The following MINPP1 variants were observed in gnomAD, a reference collection of about 807,000 sequenced individuals.
MINPP1 encodes multiple inositol polyphosphate phosphatase 1.
MINPP1 carries 28 observed loss-of-function variants against 46.1 expected under a neutral mutation model. That is an observed-to-expected ratio of 0.61 (90% CI 0.45 to 0.83). The LOEUF is 0.83. MINPP1 is among the 40% of genes least tolerant of loss of function. The pLI is 0.00. For missense variants in MINPP1, 603 were observed against 610.0 expected (o/e 0.99, Z 0.12); for synonymous variants, 268 against 249.1 (o/e 1.08, Z -0.72).
At chr10:87,508,663 T>C (rs1177096147) in intron 2 of MINPP1, 130 bp downstream of exon 2, 4 of 916,004 alleles carry the variant, frequency 4.4e-6, no homozygotes, top group Non-Finnish European at 6.7e-6. Context: ...TAATATGTTC[T>C]GGGTCAAAAA....
chr10:87,547,174 T>C (rs7095015), intron 4 of MINPP1, among the ~76,000 whole-genome samples: 129,793 of 152,098 alleles, frequency 0.85, 55,738 homozygotes, highest in African/African-American at 0.95. Flanking sequence ...TGCAGTGACG[T>C]GATCTTGGCT....
chr10:87,527,343 T>C (rs1851592670), intron 4 of MINPP1, among the ~76,000 whole-genome samples: 1 of 152,208 alleles, frequency 6.6e-6, no homozygotes, highest in Admixed American at 6.5e-5. Context: ...ATCCCTGTCT[T>C]GTGCCAGTTT....
In MINPP1 at chr10:87,505,147, T is replaced by C. The variant is rs762007716; in HGVS notation, c.232T>C (p.Cys78Arg). Residue 78 changes from cysteine (C) to arginine (R), a missense_variant, in exon 1 of 5, where the codon TGC (cysteine) becomes CGC (arginine). Cys to Arg is a radical substitution (Grantham distance 180, BLOSUM62 -3). This residue lies in a region of MINPP1 where 239 missense variants were observed against 189.4 expected (regional missense o/e 1.26). Transcript: ENST00000371996. This position sits in a 1 kb window ranked among gnomAD's most constrained non-coding sequence, Gnocchi z 4.4. ...WRDPELLEGT[C>R]TPVQLVALIR... is the part of the protein sequence containing the mutation. ...GGACCCTGAGCTGCTGGAGGGGACC[T>C]GCACCCCGGTGCAGCTGGTCGCCCT... is the stretch of plus-strand genomic sequence containing the variant. 1.2e-6 allele frequency: 2 copies of C among 1,610,500 alleles called. No individual in the cohort carries two copies. Among genetic ancestry groups the C allele is most frequent in the East Asian group, 4.5e-5 (2 of 44,824 alleles).
At chr10:87,538,994 AT>A (rs1368787277) in intron 4 of MINPP1, among the ~76,000 whole-genome samples, 1 of 152,196 alleles carries the variant, frequency 6.6e-6, no homozygotes, top group Admixed American at 6.5e-5. Context: ...ATCAACCCTC[AT>A]TAAAAGACAG....
intron 3 of MINPP1, among the ~76,000 whole-genome samples, chr10:87,516,367 A>C (rs1289477410): frequency 1.9e-5 from 2 of 104,838 alleles, no homozygotes; most frequent in Admixed American, 1.8e-4. Context: ...CAGTGATAGA[A>C]GTATACTCAG....
chr10:87,536,150 T>G (rs528340016), intron 4 of MINPP1, among the ~76,000 whole-genome samples: 2 of 152,284 alleles, frequency 1.3e-5, no homozygotes, highest in South Asian at 4.1e-4. Flanking sequence ...TAACCCACTA[T>G]GTTCAGGTTA....
At position 87,552,350 on chromosome 10, in the gene MINPP1, G is replaced by A; in HGVS notation, c.1336G>A (p.Ala446Thr). The A allele has an allele frequency of 6.2e-7, 1 of 1,613,672 alleles. No homozygotes were observed. Among genetic ancestry groups the A allele is most frequent in the Non-Finnish European group, 8.5e-7 (1 of 1,179,756 alleles). ...MLLNEKVLPL[A>T]YSQETVSFYE... ...ATTAAATGAAAAGGTGTTACCTTTGGCTTACTCACAAGAAACTGTTTCATT... is the reference window on the plus strand; with the variant it reads ...ATTAAATGAAAAGGTGTTACCTTTGACTTACTCACAAGAAACTGTTTCATT... Residue 446 changes from alanine to threonine, a missense_variant, in exon 5 of 5, where the codon GCT (alanine) becomes ACT (threonine). Coordinates refer to ENST00000371996, the MANE Select transcript of MINPP1 (RefSeq NM_004897.5).
At chr10:87,540,470 G>T (rs3847451) in intron 4 of MINPP1, among the ~76,000 whole-genome samples, 1 of 107,450 alleles carries the variant, frequency 9.3e-6, no homozygotes, top group Admixed American at 9.8e-5. Flanking sequence ...TCCTCTCTCT[G>T]TCTCTGTCTC....
chr10:87,508,423 A>T lies in MINPP1; in HGVS notation c.725A>T (p.Asn242Ile). The T allele has an allele frequency of 6.2e-7, 1 of 1,613,624 alleles. No homozygotes were observed. The highest frequency in any genetic ancestry group is 8.5e-7 in the Non-Finnish European group (1 of 1,179,828). The change falls in exon 2 of 5, where the codon AAT (asparagine) becomes ATT (isoleucine). Residue 242 changes from asparagine (N) to isoleucine (I), a missense_variant. Around this residue, in one of 3 missense-constraint regions of MINPP1, gnomAD observed 344 missense variants for 381.1 expected, o/e 0.90. Transcript: ENST00000371996. ...AAGTTTTTAACTGAAGTAGAAAAAA[A>T]TGCTACAGCTCTTTATCACGTGGAA... is the stretch of plus-strand genomic sequence containing the variant. ...CEKFLTEVEK[N>I]ATALYHVEAF...
chr10:87,517,690 T>A (rs912414241), intron 3 of MINPP1, among the ~76,000 whole-genome samples: 1 of 152,242 alleles, frequency 6.6e-6, no homozygotes, highest in Non-Finnish European at 1.5e-5. Flanking sequence ...ACCTTGTTGC[T>A]ATGAACATTA....
chr10:87,508,882 A>G (rs957250528), intron 2 of MINPP1, among the ~76,000 whole-genome samples: 3 of 147,360 alleles, frequency 2.0e-5, no homozygotes, highest in African/African-American at 7.9e-5. Flanking sequence ...GAAAAATCAT[A>G]TAAATTCTTT....
At chr10:87,540,686 GAGAAACTGGAGATTTGGTTCCTTCAAAT>G in intron 4 of MINPP1, among the ~76,000 whole-genome samples, 1 of 152,188 alleles carries the variant, frequency 6.6e-6, no homozygotes, top group East Asian at 1.9e-4. Flanking sequence ...TGTATTCAAA[GAGAAACTGGAGATTTGGTTCCTTCAAAT>G]AGTGATTGGG....
intron 4 of MINPP1, 47 bp from the exon 5 acceptor site, chr10:87,552,035 A>G (rs780725199): frequency 6.3e-6 from 9 of 1,429,106 alleles, no homozygotes; most frequent in East Asian, 2.3e-5. Context: ...ACTATGTTCT[A>G]TGACATTAAT....
At chr10:87,537,234 G>A (rs370979177) in intron 4 of MINPP1, among the ~76,000 whole-genome samples, 39 of 152,280 alleles carry the variant, frequency 2.6e-4, no homozygotes, top group African/African-American at 8.9e-4. Context: ...ACCGTGCCCG[G>A]CCGTCTTTTT....
Position 87,504,987 on chromosome 10 carries a change from C to A in MINPP1, c.72C>A (p.Leu24=). 6.2e-7 allele frequency: 1 copy of A among 1,612,530 alleles called. No homozygotes were observed. Among genetic ancestry groups the A allele is most frequent in the Non-Finnish European group, 8.5e-7 (1 of 1,179,738 alleles). The change falls in exon 1 of 5, where the codon CTC becomes CTA. Residue 24 remains leucine (L), a synonymous_variant. Transcript: ENST00000371996. Reference sequence around the variant, plus strand: ...CCGCGGCCCTGGCTGCGGCGCTGCTCTCGTCGCTTGCGCGCTGCTCTCTTC... The same window carrying A: ...CCGCGGCCCTGGCTGCGGCGCTGCTATCGTCGCTTGCGCGCTGCTCTCTTC... The part of the protein sequence containing the change: ...APAAALAAAL[L]SSLARCSLLE...
chr10:87,505,269 G>A lies in MINPP1; in HGVS notation c.354G>A (p.Gly118=). ...AGGCCCGCGGGTCCAGGGATGGCGG[G>A]GCTAGTAGTACCGGCAGCCGCGACC... The part of the protein sequence containing the change: ...LLQARGSRDG[G]ASSTGSRDLG... Residue 118 remains glycine (G), a synonymous_variant, in exon 1 of 5, where the codon GGG becomes GGA. Coordinates refer to ENST00000371996, the MANE Select transcript of MINPP1 (RefSeq NM_004897.5). The surrounding 1 kb of genome is among the most constrained non-coding windows in gnomAD (Gnocchi z 4.4). The A allele has an allele frequency of 6.2e-7, 1 of 1,611,636 alleles. No homozygotes were observed.
intron 2 of MINPP1, among the ~76,000 whole-genome samples, chr10:87,512,627 GAACCCTCTAA>G (rs1851351879): frequency 6.6e-6 from 1 of 152,026 alleles, no homozygotes; most frequent in Non-Finnish European, 1.5e-5. Flanking sequence ...CCCCCTCCTT[GAACCCTCTAA>G]AATTAACAAA....
At chr10:87,543,243 A>G (rs1171417903) in intron 4 of MINPP1, among the ~76,000 whole-genome samples, 1 of 152,212 alleles carries the variant, frequency 6.6e-6, no homozygotes, top group Non-Finnish European at 1.5e-5. Flanking sequence ...ACTTATATAC[A>G]AAAGGGAAGC....
chr10:87,538,984 A>G (rs1434371179), intron 4 of MINPP1, among the ~76,000 whole-genome samples: 1 of 152,206 alleles, frequency 6.6e-6, no homozygotes, highest in Non-Finnish European at 1.5e-5. Flanking sequence ...ACACATAGTT[A>G]TCAACCCTCA....
Sources: gnomAD v4.1 joint callset for allele counts (sites outside exome capture counted in the v4.1 genomes callset) on GRCh38, gnomAD v4.1.1 for gene constraint, gnomAD v4.1.1 regional missense constraint, Gnocchi (gnomAD v3.1) non-coding constraint, MANE v1.5 for transcripts, NCBI Gene and HGNC (gene_info 2026-07-23, HGNC 2026-07-21) for gene names.